The following DLGAP1 variants were observed in gnomAD, a reference collection of about 807,000 sequenced individuals.
DLGAP1 encodes disks large-associated protein 1.
DLGAP1 carries 11 observed loss-of-function variants against 90.8 expected under a neutral mutation model. The observed-to-expected ratio is 0.12, with a 90% CI of 0.08 to 0.20. DLGAP1 has a LOEUF of 0.20. Ranked by LOEUF, DLGAP1 falls within the 10% of genes least tolerant of loss-of-function variation. The pLI, the probability that DLGAP1 is intolerant of heterozygous loss-of-function variation, is 1.00. For missense variants in DLGAP1, 1,050 were observed against 1,333.8 expected, an observed-to-expected ratio of 0.79 and a Z score of 3.31; for synonymous variants, 558 against 540.7, an observed-to-expected ratio of 1.03 and a Z score of -0.44.
intron 9 of DLGAP1, among the ~76,000 whole-genome samples, chr18:3,546,242 G>A (rs572296386): frequency 3.3e-5 from 5 of 152,144 alleles, no homozygotes; most frequent in East Asian, 3.9e-4. Flanking sequence ...GGGCAACATG[G>A]TGAAACGCCT....
At chr18:3,921,704 ATGT>A (rs2072272998) in intron 3 of DLGAP1, among the ~76,000 whole-genome samples, 1 of 152,210 alleles carries the variant, frequency 6.6e-6, no homozygotes, top group African/African-American at 2.4e-5. Flanking sequence ...ACAGAAGCAC[ATGT>A]TGTAAGGATT....
At chr18:3,925,961 C>T (rs4076011) in intron 3 of DLGAP1, among the ~76,000 whole-genome samples, 65,182 of 151,796 alleles carry the variant, frequency 0.43, 14,361 homozygotes, top group East Asian at 0.51. Context: ...GACAGCAATT[C>T]GGAATCATAC....
In DLGAP1 at chr18:3,775,058, G is replaced by A. The variant is rs148578248; in HGVS notation, c.1173-32546C>T. Among the ~76,000 whole-genome samples the A allele has an allele frequency of 8.5e-5, 13 of 152,206 alleles. No homozygotes were observed. The highest frequency in any genetic ancestry group is 1.2e-4 in the African/African-American group (5 of 41,518). On this transcript the variant is annotated intron_variant, in intron 5 of 12. Coordinates refer to ENST00000315677, the MANE Select transcript of DLGAP1 (RefSeq NM_004746.4). This position sits in a 1 kb window ranked among gnomAD's most constrained non-coding sequence, Gnocchi z 4.9. ...CGGACTTTTTTCACAAACCACTGTC[G>A]CTCTGCAGGCCCCACAGGCTTTGTC... is the stretch of plus-strand genomic sequence containing the variant.
intron 7 of DLGAP1, chr18:3,708,593 A>G: frequency 2.2e-6 from 1 of 453,240 alleles, no homozygotes; most frequent in Non-Finnish European, 4.4e-6. Flanking sequence ...GGATGAGGGA[A>G]TCTGTTTGCG....
intron 1 of DLGAP1, among the ~76,000 whole-genome samples, chr18:4,237,670 T>C (rs1157653604): frequency 2.0e-5 from 3 of 151,790 alleles, no homozygotes; most frequent in Non-Finnish European, 2.9e-5. Context: ...CAAGAGGCCC[T>C]AAAAGACTCC....
chr18:3,847,803 A>G (rs1310966472), intron 4 of DLGAP1, among the ~76,000 whole-genome samples: 1 of 152,156 alleles, frequency 6.6e-6, no homozygotes, highest in Non-Finnish European at 1.5e-5. Flanking sequence ...AAGTGCCTAC[A>G]CAAAGTGCCC....
At chr18:3,508,032 C>T (rs1264275848) in intron 11 of DLGAP1, among the ~76,000 whole-genome samples, 2 of 152,168 alleles carry the variant, frequency 1.3e-5, no homozygotes, top group Non-Finnish European at 2.9e-5. Flanking sequence ...CCATTGCGCC[C>T]AGCCTGTTTT....
At position 3,925,195 on chromosome 18, in the gene DLGAP1, C is replaced by T. The variant is rs574812576; in HGVS notation, c.-72-45055G>A. 4.6e-5 allele frequency among the ~76,000 whole-genome samples: 7 copies of T among 152,160 alleles called. No individual in the cohort carries two copies. In the East Asian group the frequency reaches 9.7e-4, roughly 21 times the overall value. ...CTCAAACTCCTGACATCAGGTGAGC[C>T]GCCCACCTCAGCCTCCCAAAGTGCT... is the stretch of plus-strand genomic sequence containing the variant. On this transcript the variant is annotated intron_variant, in intron 3 of 12. Transcript: ENST00000315677.
At chr18:3,933,632 A>G (rs1238255816) in intron 3 of DLGAP1, among the ~76,000 whole-genome samples, 1 of 152,128 alleles carries the variant, frequency 6.6e-6, no homozygotes, top group African/African-American at 2.4e-5. Context: ...CCTTTCCTGA[A>G]AGCCTAGCCC....
intron 4 of DLGAP1, among the ~76,000 whole-genome samples, chr18:3,834,296 A>C (rs1021768493): frequency 3.2e-5 from 4 of 123,814 alleles, no homozygotes; most frequent in African/African-American, 6.5e-5. Context: ...ATAGAGCAAG[A>C]CTCTGTCTCA....
intron 3 of DLGAP1, among the ~76,000 whole-genome samples, chr18:3,932,566 T>G (rs1327964432): frequency 6.6e-6 from 1 of 152,100 alleles, no homozygotes; most frequent in African/African-American, 2.4e-5. Context: ...AAAGGGGGTG[T>G]GGCTGACAAT....
chr18:4,043,065 T>C (rs2074999403), intron 2 of DLGAP1, among the ~76,000 whole-genome samples: 1 of 152,226 alleles, frequency 6.6e-6, no homozygotes, highest in African/African-American at 2.4e-5. Context: ...GTAATTTAGG[T>C]TTTAAATTTT....
chr18:3,927,451 A>G (rs1215945470), intron 3 of DLGAP1, among the ~76,000 whole-genome samples: 1 of 152,258 alleles, frequency 6.6e-6, no homozygotes, highest in Non-Finnish European at 1.5e-5. Context: ...TGAATAATAT[A>G]TTCCTGTTAA....
chr18:3,947,160 G>C (rs2072893503), intron 3 of DLGAP1, among the ~76,000 whole-genome samples: 1 of 152,120 alleles, frequency 6.6e-6, no homozygotes, highest in African/African-American at 2.4e-5. Context: ...CATTGGGTTG[G>C]GTATAGACCA....
chr18:3,732,824 T>A (rs2147508496), intron 6 of DLGAP1, among the ~76,000 whole-genome samples: 1 of 152,266 alleles, frequency 6.6e-6, no homozygotes. Flanking sequence ...TTTCTTTTTT[T>A]AGTGGGAAAT....
At chr18:3,550,495 G>A (rs1432080377) in intron 9 of DLGAP1, among the ~76,000 whole-genome samples, 1 of 152,144 alleles carries the variant, frequency 6.6e-6, no homozygotes, top group Non-Finnish European at 1.5e-5. Flanking sequence ...CTAAGAGTTG[G>A]GATTACAGGT....
rs35493688 is a variant in DLGAP1, at chr18:3,895,280, T to TACACACACACAC, written c.-72-15152_-72-15141dup. Among the ~76,000 whole-genome samples, 101 of 137,364 alleles carry TACACACACACAC rather than the reference T, an allele frequency of 7.4e-4. 1 individual carries two copies. Among genetic ancestry groups the TACACACACACAC allele is most frequent in the African/African-American group, 2.5e-3 (93 of 36,824 alleles). 90.1% of individuals were successfully genotyped at this position (137,364 alleles called of 152,430 possible). A position where few individuals can be genotyped will look rare whatever the true frequency, so the allele number is the denominator to read the frequency against. ...CATTGTATTTCCCTTGGATGTTTAT[T>TACACACACACAC]ACACACACACACACACACACACACA... On this transcript the variant is annotated intron_variant, in intron 3 of 12. Coordinates refer to ENST00000315677, the MANE Select transcript of DLGAP1 (RefSeq NM_004746.4).
chr18:3,607,535 A>G (rs978583776), intron 7 of DLGAP1: 1 of 152,228 alleles, frequency 6.6e-6, no homozygotes, highest in African/African-American at 2.4e-5. Context: ...ACATTATTTG[A>G]TATCTCACTG....
At chr18:3,703,499 T>G (rs1356619992) in intron 7 of DLGAP1, among the ~76,000 whole-genome samples, 2 of 152,220 alleles carry the variant, frequency 1.3e-5, no homozygotes, top group East Asian at 3.8e-4. Flanking sequence ...GAAAGTGCAG[T>G]GGCCCTGATC....
Sources: allele counts gnomAD v4.1 joint callset (sites outside exome capture counted in the v4.1 genomes callset), GRCh38; gene constraint gnomAD v4.1.1; non-coding constraint Gnocchi (gnomAD v3.1); transcripts MANE v1.5; gene names NCBI Gene and HGNC (gene_info 2026-07-23, HGNC 2026-07-21).